Variants in KSR1 observed in about 807,000 individuals in gnomAD.
The protein encoded by KSR1 is kinase suppressor of ras.
Under a neutral mutation model 92.9 loss-of-function variants are expected in KSR1, and 35 were observed. That is an observed-to-expected ratio of 0.38 (90% CI 0.29 to 0.50). The LOEUF is 0.50. Among genes scored for constraint, KSR1 ranks in the 20% least tolerant of loss-of-function variants. The pLI is 0.94. For synonymous variants in KSR1, 467 were observed against 472.6 expected (o/e 0.99, Z 0.15); for missense variants, 972 against 1,158.5 (o/e 0.84, Z 2.34).
At position 27,456,854 on chromosome 17, in the gene KSR1, C is replaced by A. The variant is rs762615916; in HGVS notation, c.211C>A (p.Gln71Lys). The change falls in exon 1 of 21, where the codon CAG becomes AAG. Residue 71 changes from glutamine to lysine, a missense_variant. Physicochemically the swap from Gln to Lys is moderately conservative, Grantham distance 53. Transcript: ENST00000644974. ...KCAVSNDLTQ[Q>K]EIRTLEAKLV... ...CGCTGTGTCCAACGACCTCACCCAG[C>A]AGGAGATACGGACCCTGGAGGTAAG... is the stretch of plus-strand genomic sequence containing the variant. 2.8e-6 allele frequency: 3 copies of A among 1,060,428 alleles called. No individual in the cohort carries two copies. The highest frequency in any genetic ancestry group is 4.3e-6 in the Non-Finnish European group (3 of 690,394). 65.7% of individuals were successfully genotyped at this position (1,060,428 alleles called of 1,614,324 possible).
At chr17:27,519,110 G>A (rs569974944) in intron 1 of KSR1, among the ~76,000 whole-genome samples, 4 of 152,326 alleles carry the variant, frequency 2.6e-5, no homozygotes, top group South Asian at 2.1e-4. Context: ...TTGTAAGGCC[G>A]CTGGTGGGTA....
At position 27,623,431 on chromosome 17, in the gene KSR1, TAA is replaced by T; in HGVS notation, c.*42_*43del. The T allele has an allele frequency of 1.3e-6, 1 of 745,196 alleles. No individual in the cohort carries two copies. The highest frequency in any genetic ancestry group is 2.5e-6 in the Non-Finnish European group (1 of 407,146). 46.2% of individuals were successfully genotyped at this position (745,196 alleles called of 1,614,324 possible). On this transcript the variant is annotated 3_prime_UTR_variant, in exon 21 of 21. Transcript: ENST00000644974. ...TTTTCGCTGCTGATCTCTTTCTTTT[TAA>T]AATGTGTTTCTGAAACATCCCAACA...
chr17:27,565,506 C>T (rs2151125500), intron 2 of KSR1, among the ~76,000 whole-genome samples: 1 of 152,338 alleles, frequency 6.6e-6, no homozygotes, highest in South Asian at 2.1e-4. Context: ...CTCACTGCAT[C>T]CTCCATCTTT....
intron 1 of KSR1, among the ~76,000 whole-genome samples, chr17:27,484,647 A>G (rs2068610385): frequency 7.4e-6 from 1 of 135,970 alleles, no homozygotes; most frequent in Non-Finnish European, 1.6e-5. Context: ...ATCCAGTGTG[A>G]TGGGGAGGTC....
At chr17:27,611,083 T>G (rs2073901298) in intron 17 of KSR1, among the ~76,000 whole-genome samples, 1 of 152,212 alleles carries the variant, frequency 6.6e-6, no homozygotes, top group African/African-American at 2.4e-5. Context: ...GACCTTTAAC[T>G]GTATCCTTTC....
chr17:27,619,081 G>T (rs2151270028), intron 19 of KSR1, among the ~76,000 whole-genome samples: 1 of 152,292 alleles, frequency 6.6e-6, no homozygotes, highest in South Asian at 2.1e-4. Context: ...AAGTGGAGCT[G>T]CTCTTGATGA....
chr17:27,580,142 C>T (rs926932263), intron 3 of KSR1, among the ~76,000 whole-genome samples: 1 of 152,106 alleles, frequency 6.6e-6, no homozygotes, highest in African/African-American at 2.4e-5. Flanking sequence ...CAACTTGCAA[C>T]TTTGGGGCTT....
intron 2 of KSR1, among the ~76,000 whole-genome samples, chr17:27,554,830 A>G (rs1384998913): frequency 6.6e-6 from 1 of 152,238 alleles, no homozygotes; most frequent in Non-Finnish European, 1.5e-5. Context: ...GTTCTAAACC[A>G]TTGTTTATTT....
intron 1 of KSR1, among the ~76,000 whole-genome samples, chr17:27,522,389 T>C (rs1215064410): frequency 6.6e-6 from 1 of 152,218 alleles, no homozygotes. Context: ...AGCTCGCCTT[T>C]GCAGTGAGCA....
chr17:27,475,024 G>T (rs1459178211), intron 1 of KSR1, among the ~76,000 whole-genome samples: 1 of 152,188 alleles, frequency 6.6e-6, no homozygotes, highest in Non-Finnish European at 1.5e-5. Flanking sequence ...TTAAAGTGAG[G>T]GGTCAGGATG....
chr17:27,471,259 G>A (rs1039998415), intron 1 of KSR1, among the ~76,000 whole-genome samples: 1 of 152,216 alleles, frequency 6.6e-6, no homozygotes, highest in African/African-American at 2.4e-5. Flanking sequence ...AGAAAATAGA[G>A]GGCTTCCTTC....
intron 20 of KSR1, 97 bp from the exon 21 acceptor site, chr17:27,623,217 G>T (rs2074273509): frequency 2.3e-5 from 16 of 704,090 alleles, no homozygotes; most frequent in Non-Finnish European, 3.6e-5. Flanking sequence ...CTTGTTGGAG[G>T]CCAGGTCCTC....
At chr17:27,551,892 A>G (rs953823633) in intron 2 of KSR1, among the ~76,000 whole-genome samples, 5 of 152,090 alleles carry the variant, frequency 3.3e-5, no homozygotes, top group Non-Finnish European at 7.4e-5. Context: ...CTCACCTAGA[A>G]AGGTGACTTG....
rs372824266 is a variant in KSR1 at position 27,610,145 on chromosome 17, G to C, written c.2304G>C (p.Gly768=). The C allele has an allele frequency of 1.2e-6, 2 of 1,614,060 alleles. No homozygotes were observed. The highest frequency in any genetic ancestry group is 1.7e-6 in the Non-Finnish European group (2 of 1,179,890). Residue 768 remains glycine (G), a synonymous_variant, in exon 17 of 21, where the codon GGG becomes GGC. Transcript: ENST00000644974. ...AGATTGTACGCGAGATGACCCCCGG[G>C]AAGGACGAGGATCAGCTGCCATTCT... ...APEIVREMTP[G]KDEDQLPFSK... is the part of the protein sequence containing the mutation.
At position 27,533,388 on chromosome 17, in the gene KSR1, C is replaced by CTT. The variant is rs61407882; in HGVS notation, c.232-17167_232-17166dup. 4.1e-3 allele frequency among the ~76,000 whole-genome samples: 597 copies of CTT among 144,934 alleles called. 3 individuals carry two copies. Among genetic ancestry groups the CTT allele is most frequent in the Middle Eastern group, 7.2e-3 (2 of 278 alleles). ...TAGTACAGATGCAGATGCAACCATT[C>CTT]TTTTTTTTTTTTTTAAGATGGAGTA... On this transcript the variant is annotated intron_variant, in intron 1 of 20. Coordinates refer to ENST00000644974, the MANE Select transcript of KSR1 (RefSeq NM_001394583.1).
Position 27,577,722 on chromosome 17 carries a change from G to T in KSR1, c.520+83G>T. On this transcript the variant is annotated intron_variant, in intron 3 of 20. Coordinates refer to ENST00000644974, the MANE Select transcript of KSR1 (RefSeq NM_001394583.1). The surrounding 1 kb of genome is among the most constrained non-coding windows in gnomAD (Gnocchi z 4.5). ...CTTCACTATGGTGGGTGATGGAGCG[G>T]GGCAAGCGTGGCCCAGGGTTTCTGG... 8.4e-7 allele frequency: 1 copy of T among 1,189,844 alleles called. No homozygotes were observed. Among genetic ancestry groups the T allele is most frequent in the Non-Finnish European group, 1.2e-6 (1 of 830,638 alleles). The allele number at this position is 1,189,844 out of a possible 1,614,324, so 73.7% of individuals were successfully genotyped here.
At chr17:27,596,849 CT>C (rs1371970875) in intron 9 of KSR1, among the ~76,000 whole-genome samples, 1 of 152,246 alleles carries the variant, frequency 6.6e-6, no homozygotes, top group Non-Finnish European at 1.5e-5. Flanking sequence ...GAGCCAGTCA[CT>C]GAGTATGTGA....
At chr17:27,457,468 G>A (rs1567731503) in intron 1 of KSR1, among the ~76,000 whole-genome samples, 2 of 152,224 alleles carry the variant, frequency 1.3e-5, no homozygotes, top group Non-Finnish European at 2.9e-5. Flanking sequence ...TGCTTAAAAT[G>A]TATTAATAAT....
chr17:27,623,102 G>A (rs990772462), intron 20 of KSR1: 31 of 592,050 alleles, frequency 5.2e-5, no homozygotes, highest in African/African-American at 1.7e-4. Flanking sequence ...ATGAGCCACC[G>A]TTGCTGCTCC....
Sources: gnomAD v4.1 joint callset for allele counts (sites outside exome capture counted in the v4.1 genomes callset) on GRCh38, gnomAD v4.1.1 for gene constraint, Gnocchi (gnomAD v3.1) non-coding constraint, MANE v1.5 for transcripts, NCBI Gene and HGNC (gene_info 2026-07-23, HGNC 2026-07-21) for gene names.